The following NPAS3 variants were observed in gnomAD, a reference collection of about 807,000 sequenced individuals.
NPAS3 encodes the protein neuronal PAS domain protein 3.
NPAS3 carries 14 observed loss-of-function variants against 73.1 expected under a neutral mutation model. That is an observed-to-expected ratio of 0.19 (90% confidence interval 0.13 to 0.30). The LOEUF (loss-of-function observed/expected upper bound fraction) is 0.30. NPAS3 is among the 10% of genes least tolerant of loss of function. The probability of loss-of-function intolerance (pLI) is 1.00; values close to 1 mark genes in which losing one functional copy is unlikely to be tolerated. For synonymous variants in NPAS3, 620 were observed against 541.5 expected (o/e 1.14, Z -2.01); for missense variants, 1,096 against 1,250.0 (o/e 0.88, Z 1.86).
intron 1 of NPAS3, among the ~76,000 whole-genome samples, chr14:32,973,394 C>T (rs1229342395): frequency 6.6e-6 from 1 of 152,026 alleles, no homozygotes; most frequent in Non-Finnish European, 1.5e-5. Context: ...TGATCAGACA[C>T]CTAACTACAA....
At chr14:33,169,010 T>C (rs2045282497) in intron 2 of NPAS3, among the ~76,000 whole-genome samples, 1 of 152,244 alleles carries the variant, frequency 6.6e-6, no homozygotes, top group Non-Finnish European at 1.5e-5. Context: ...ATAATAATAC[T>C]TGTAATCTAC....
intron 4 of NPAS3, among the ~76,000 whole-genome samples, chr14:33,461,602 A>G (rs573846001): frequency 1.4e-3 from 210 of 152,352 alleles, no homozygotes; most frequent in African/African-American, 4.6e-3. Context: ...ACATTTGGTT[A>G]GGATTTGTAT....
chr14:33,159,416 A>G (rs1365543616), intron 2 of NPAS3, among the ~76,000 whole-genome samples: 1 of 152,148 alleles, frequency 6.6e-6, no homozygotes, highest in African/African-American at 2.4e-5. Context: ...GTTTTCTTGT[A>G]GAATTATGGG....
At chr14:33,212,997 C>T (rs947199856) in intron 2 of NPAS3, among the ~76,000 whole-genome samples, 1 of 152,102 alleles carries the variant, frequency 6.6e-6, no homozygotes, top group African/African-American at 2.4e-5. Flanking sequence ...TGTTAAAATA[C>T]CAAAATTGGG....
At chr14:33,102,240 G>T (rs939178922) in intron 2 of NPAS3, among the ~76,000 whole-genome samples, 1 of 152,120 alleles carries the variant, frequency 6.6e-6, no homozygotes, top group Admixed American at 6.6e-5. Context: ...ATTAGCTAGG[G>T]ATAGAACAGA....
intron 4 of NPAS3, among the ~76,000 whole-genome samples, chr14:33,392,775 G>A (rs981513850): frequency 2.6e-5 from 4 of 152,084 alleles, no homozygotes; most frequent in Non-Finnish European, 5.9e-5. Context: ...TACTCCAGTT[G>A]AATTTTGCCC....
chr14:33,637,046 A>C (rs939457840), intron 5 of NPAS3, among the ~76,000 whole-genome samples: 2 of 152,144 alleles, frequency 1.3e-5, no homozygotes, highest in Non-Finnish European at 2.9e-5. Flanking sequence ...TTTTCATGGT[A>C]AAAAATAATC....
At chr14:33,780,809 T>C (rs981808780) in intron 9 of NPAS3, 1 of 287,782 alleles carries the variant, frequency 3.5e-6, no homozygotes, top group African/African-American at 2.3e-5. Flanking sequence ...TTCACTATTG[T>C]GCTATTCTCC....
chr14:33,596,032 A>G (rs2057233814), intron 5 of NPAS3, among the ~76,000 whole-genome samples: 2 of 152,228 alleles, frequency 1.3e-5, no homozygotes, highest in South Asian at 2.1e-4. Context: ...CGTCGGTACC[A>G]ATGTAGAAGT....
Position 33,270,244 on chromosome 14 carries a change from G to T in NPAS3, c.385+54818G>T, listed in dbSNP as rs145261618. Among the ~76,000 whole-genome samples, 1,482 of 152,204 alleles carry T rather than the reference G, an allele frequency of 9.7e-3. 20 individuals are homozygous for T. The highest frequency in any genetic ancestry group is 0.034 in the Middle Eastern group (10 of 294). On this transcript the variant is annotated intron_variant, in intron 3 of 11. Coordinates refer to ENST00000356141, the Ensembl canonical transcript of NPAS3. ...AGACTGAGAGTAATGCTTGAGAGAA[G>T]GATACAGCTGTAAACAATTGGCAGC...
chr14:33,025,672 C>T (rs111355926), intron 1 of NPAS3, among the ~76,000 whole-genome samples: 1,985 of 152,254 alleles, frequency 0.013, 16 homozygotes, highest in Middle Eastern at 0.02. Flanking sequence ...ACTGTTCTCA[C>T]GATCCCGAGT....
chr14:33,674,235 TC>T (rs1378715029), intron 5 of NPAS3, among the ~76,000 whole-genome samples: 1 of 143,620 alleles, frequency 7.0e-6, no homozygotes, highest in Non-Finnish European at 1.6e-5. Context: ...CCTAAAAAAA[TC>T]TATTTTATCT....
In NPAS3 at chr14:33,576,391, T is replaced by A. The variant is rs569999773; in HGVS notation, c.558+16181T>A. 1.1e-3 allele frequency among the ~76,000 whole-genome samples: 163 copies of A among 152,344 alleles called. 4 individuals are homozygous for A. In the South Asian group the frequency reaches 0.032, roughly 30 times the overall value. ...ACGGACTGTAATTTACTTTTTGGTG[T>A]CTGTCGCCTTGAGCTTGCCTTCTGA... On this transcript the variant is annotated intron_variant, in intron 5 of 11. Transcript: ENST00000356141.
chr14:33,732,873 TTG>T (rs1280006570), intron 6 of NPAS3, among the ~76,000 whole-genome samples: 2 of 152,202 alleles, frequency 1.3e-5, no homozygotes, highest in Admixed American at 1.3e-4. Context: ...CACGTGAAGC[TTG>T]TGTCTTCACC....
chr14:33,528,508 G>A (rs748343489), intron 4 of NPAS3, among the ~76,000 whole-genome samples: 244 of 152,090 alleles, frequency 1.6e-3, no homozygotes, highest in African/African-American at 2.0e-3. Context: ...GGGAGTGGTC[G>A]TCCTAATGTG....
At chr14:33,685,597 C>A (rs1430660793) in intron 6 of NPAS3, among the ~76,000 whole-genome samples, 1 of 152,172 alleles carries the variant, frequency 6.6e-6, no homozygotes, top group Non-Finnish European at 1.5e-5. Context: ...CAAACAGCCT[C>A]CCTTCCATTT....
chr14:33,760,852 A>G (rs1456757802), intron 7 of NPAS3, among the ~76,000 whole-genome samples: 1 of 152,222 alleles, frequency 6.6e-6, no homozygotes, highest in Non-Finnish European at 1.5e-5. Flanking sequence ...ACAATATGTA[A>G]TATTTCGGCA....
chr14:33,099,023 A>G (rs1289545460), intron 2 of NPAS3, among the ~76,000 whole-genome samples: 1 of 152,184 alleles, frequency 6.6e-6, no homozygotes, highest in African/African-American at 2.4e-5. Context: ...TATCCAGAGA[A>G]AGAACCTTGC....
intron 4 of NPAS3, among the ~76,000 whole-genome samples, chr14:33,406,768 G>A (rs1311746891): frequency 6.6e-6 from 1 of 152,056 alleles, no homozygotes; most frequent in Non-Finnish European, 1.5e-5. Context: ...GAGAAATCAG[G>A]CACACTAGTT....
Sources: gnomAD v4.1 joint callset for allele counts (sites outside exome capture counted in the v4.1 genomes callset) on GRCh38, gnomAD v4.1.1 for gene constraint, MANE v1.5 for transcripts, NCBI Gene and HGNC (gene_info 2026-07-23, HGNC 2026-07-21) for gene names.